The following RCC1L variants were observed in gnomAD, a reference collection of about 807,000 sequenced individuals.
RCC1L encodes the protein RCC1 like, also known as RCC1-like G exchanging factor-like protein.
RCC1L carries 46 observed loss-of-function variants against 58.6 expected under a neutral mutation model. The observed-to-expected ratio is 0.79, with a 90% CI of 0.62 to 1.00. The LOEUF is 1.00. RCC1L is among the 50% of genes least tolerant of loss of function. The pLI, the probability that RCC1L is intolerant of heterozygous loss-of-function variation, is 0.00. For missense variants in RCC1L, 636 were observed against 623.6 expected (o/e 1.02, Z -0.21); for synonymous variants, 281 against 262.9 (o/e 1.07, Z -0.67).
chr7:75,061,943 G>A (rs1806289914), intron 5 of RCC1L, among the ~76,000 whole-genome samples: 2 of 152,250 alleles, frequency 1.3e-5, no homozygotes, highest in South Asian at 4.1e-4. Context: ...ATCCCAACAC[G>A]TTGAGAGGCC....
intron 10 of RCC1L, among the ~76,000 whole-genome samples, chr7:75,033,113 G>A (rs1584484505): frequency 1.3e-5 from 2 of 148,800 alleles, no homozygotes; most frequent in South Asian, 4.3e-4. Context: ...CACTGGAGCC[G>A]GAACATCCAT....
rs905985257 is a variant in RCC1L, at chr7:75,057,406, C to A, written c.1057+123G>T. On this transcript the variant is annotated intron_variant, in intron 8 of 10. Transcript: ENST00000610322. ...TGCTGGGATTACAGATGTGAGCCAC[C>A]GCGCCCAGCCATGTTACCCTCCTAA... The A allele has an allele frequency of 4.3e-6, 4 of 938,600 alleles. No homozygotes were observed. In the Admixed American group the frequency reaches 6.1e-5, roughly 14 times the overall value. The allele number at this position is 938,600 out of a possible 1,614,324, so 58.1% of individuals were successfully genotyped here. A position where few individuals can be genotyped will look rare whatever the true frequency, so the allele number is the denominator to read the frequency against.
chr7:75,047,411 C>T (rs1401954529), intron 10 of RCC1L, among the ~76,000 whole-genome samples: 1 of 152,214 alleles, frequency 6.6e-6, no homozygotes, highest in Non-Finnish European at 1.5e-5. Context: ...GGATTACAGG[C>T]ACACGCCACT....
In RCC1L at chr7:75,042,363, G is replaced by A. The variant is rs1454684413; in HGVS notation, c.*669C>T. 1.0e-6 allele frequency: 1 copy of A among 985,748 alleles called. No individual in the cohort carries two copies. The highest frequency in any genetic ancestry group is 1.2e-6 in the Non-Finnish European group (1 of 830,150). 61.1% of individuals were successfully genotyped at this position (985,748 alleles called of 1,614,324 possible). A position where few individuals can be genotyped will look rare whatever the true frequency, so the allele number is the denominator to read the frequency against. ...TATGCTCGGGGCCCTCGGCGCAGAG[G>A]AACTTGGCCTCGATTCTCTTCCTGA... On this transcript the variant is annotated 3_prime_UTR_variant, in exon 11 of 11. Coordinates refer to ENST00000610322, the MANE Select transcript of RCC1L (RefSeq NM_030798.5).
chr7:75,041,048 T>C (rs1363709078), downstream of RCC1L, among the ~76,000 whole-genome samples: 1 of 151,842 alleles, frequency 6.6e-6, no homozygotes. Context: ...CAAAACCCCA[T>C]CTCTACTAAA....
intron 10 of RCC1L, 89 bp downstream of exon 10, chr7:75,052,622 C>G: frequency 7.8e-7 from 1 of 1,275,532 alleles, no homozygotes; most frequent in African/African-American, 1.5e-5. Flanking sequence ...GGCCCTCGTC[C>G]TGGCCCATCT....
downstream of RCC1L, among the ~76,000 whole-genome samples, chr7:75,037,490 C>T (rs1172519279): frequency 1.3e-5 from 2 of 151,184 alleles, no homozygotes; most frequent in African/African-American, 4.9e-5. Context: ...CCACCCCTGG[C>T]CATGGTTTAT....
At chr7:75,044,543 G>A (rs915731503) in intron 10 of RCC1L, among the ~76,000 whole-genome samples, 1 of 135,234 alleles carries the variant, frequency 7.4e-6, no homozygotes, top group Non-Finnish European at 1.5e-5. Flanking sequence ...AGGTTGCAGT[G>A]AGCTGAGATC....
chr7:75,063,273 C>T lies in RCC1L; in HGVS notation c.702+19G>A. 1 of 1,613,704 alleles carries T rather than the reference C, an allele frequency of 6.2e-7. No homozygotes were observed. Among genetic ancestry groups the T allele is most frequent in the Non-Finnish European group, 8.5e-7 (1 of 1,179,810 alleles). ...CACCCCAGGAACACAACAAGCAGCT[C>T]TCGGCCCATCTCTCTTACCTGGACC... On this transcript the variant is annotated intron_variant, in intron 5 of 10. Coordinates refer to ENST00000610322, the MANE Select transcript of RCC1L (RefSeq NM_030798.5).
intron 10 of RCC1L, among the ~76,000 whole-genome samples, chr7:75,031,664 G>A (rs1308893859): frequency 6.6e-6 from 1 of 152,130 alleles, no homozygotes; most frequent in Admixed American, 6.6e-5. Context: ...AGAATTTGAG[G>A]AAGGGCCCCC....
At position 75,043,004 on chromosome 7, in the gene RCC1L, CG is replaced by C; in HGVS notation, c.*27del. 6.2e-7 allele frequency: 1 copy of C among 1,613,984 alleles called. No individual in the cohort carries two copies. The highest frequency in any genetic ancestry group is 8.5e-7 in the Non-Finnish European group (1 of 1,179,852). The stretch of plus-strand genomic sequence containing the variant: ...CAAGGAGTGCCAGTGGTTCCCGGGA[CG>C]GGGCCGCCCAAGCAGGTGAGGGAGG... On this transcript the variant is annotated 3_prime_UTR_variant, in exon 11 of 11. Coordinates refer to ENST00000610322, the MANE Select transcript of RCC1L (RefSeq NM_030798.5).
In RCC1L at chr7:75,069,330, T is replaced by C. The variant is rs190111588; in HGVS notation, c.454+1310A>G. Among the ~76,000 whole-genome samples, 84 of 152,152 alleles carry C rather than the reference T, an allele frequency of 5.5e-4. 1 individual carries two copies. The highest frequency in any genetic ancestry group is 1.0e-3 in the South Asian group (5 of 4,824). ...ACCTCAGCCTCTGGAGTAACTAGGA[T>C]TATAGGTGCATGCCACCATGCTCAG... On this transcript the variant is annotated intron_variant, in intron 2 of 10. Transcript: ENST00000610322.
intron 10 of RCC1L, among the ~76,000 whole-genome samples, chr7:75,032,877 C>G (rs1805342328): frequency 1.3e-5 from 2 of 151,676 alleles, no homozygotes; most frequent in Admixed American, 6.6e-5. Context: ...TTCAAGACCA[C>G]CCTGGTCAAC....
intron 10 of RCC1L, among the ~76,000 whole-genome samples, chr7:75,032,127 A>G (rs1805320938): frequency 6.6e-6 from 1 of 152,210 alleles, no homozygotes; most frequent in Non-Finnish European, 1.5e-5. Context: ...AAGTGGGTGG[A>G]AACCAGGAGG....
intron 2 of RCC1L, among the ~76,000 whole-genome samples, chr7:75,068,119 A>G (rs1048035419): frequency 9.9e-5 from 15 of 151,884 alleles, no homozygotes; most frequent in African/African-American, 3.6e-4. Flanking sequence ...CGGGAGCTTG[A>G]GACCAGCCTG....
chr7:75,054,321 GCAGGAAGA>G (rs1473245089), intron 9 of RCC1L, among the ~76,000 whole-genome samples: 2 of 152,086 alleles, frequency 1.3e-5, no homozygotes, highest in African/African-American at 2.4e-5. Flanking sequence ...AGGCACACAG[GCAGGAAGA>G]CAGCTAGGCT....
exon 11 of RCC1L, chr7:75,027,712 C>A: frequency 2.5e-6 from 1 of 392,168 alleles, no homozygotes. Context: ...CCCCTGGGGA[C>A]CCTGCTCCTC....
At chr7:75,032,204 C>G (rs927334551) in intron 10 of RCC1L, among the ~76,000 whole-genome samples, 1 of 152,148 alleles carries the variant, frequency 6.6e-6, no homozygotes, top group African/African-American at 2.4e-5. Context: ...AGACCTTGGG[C>G]AGAGCCAGGC....
chr7:75,063,797 G>A (rs954496666), intron 4 of RCC1L, among the ~76,000 whole-genome samples: 1 of 152,124 alleles, frequency 6.6e-6, no homozygotes, highest in South Asian at 2.1e-4. Flanking sequence ...GCGGACGCCT[G>A]TAATCCCAGC....
Sources: allele counts gnomAD v4.1 joint callset (sites outside exome capture counted in the v4.1 genomes callset), GRCh38; gene constraint gnomAD v4.1.1; transcripts MANE v1.5; gene names NCBI Gene and HGNC (gene_info 2026-07-23, HGNC 2026-07-21).